DOCK1: variants seen among roughly 807,000 people sequenced by gnomAD.
DOCK1 encodes dedicator of cytokinesis protein 1.
In DOCK1, 138 loss-of-function variants were observed where a neutral mutation model predicts 262.7. The ratio of observed to expected loss-of-function variants is 0.53; its 90% confidence interval spans 0.46 to 0.61. DOCK1 has a LOEUF of 0.61. Ranked by LOEUF, DOCK1 falls within the 20% of genes least tolerant of loss-of-function variation. The probability of loss-of-function intolerance (pLI) is 0.00; values close to 1 mark genes in which losing one functional copy is unlikely to be tolerated. For missense variants in DOCK1, 1,908 were observed against 2,370.7 expected (o/e 0.80, Z 4.05); for synonymous variants, 866 against 867.4 (o/e 1.00, Z 0.03).
At chr10:127,400,202 A>G (rs1033339951) in intron 38 of DOCK1, among the ~76,000 whole-genome samples, 2 of 149,942 alleles carry the variant, frequency 1.3e-5, no homozygotes, top group South Asian at 4.2e-4. Context: ...AAAAAAGCAG[A>G]TGGTTTCTTT....
chr10:126,964,600 A>C (rs2037520844), intron 1 of DOCK1, among the ~76,000 whole-genome samples: 1 of 152,250 alleles, frequency 6.6e-6, no homozygotes, highest in African/African-American at 2.4e-5. Flanking sequence ...ATTTTCACAA[A>C]TTGACTTTAA....
At chr10:126,912,081 G>A (rs1219474924) in intron 1 of DOCK1, among the ~76,000 whole-genome samples, 4 of 152,136 alleles carry the variant, frequency 2.6e-5, no homozygotes, top group African/African-American at 9.7e-5. Flanking sequence ...TCTTCACCCT[G>A]TCTTCATAGG....
chr10:127,373,779 A>T lies in DOCK1; in HGVS notation c.3433-2A>T. The T allele has an allele frequency of 6.2e-7, 1 of 1,606,786 alleles. No individual in the cohort carries two copies. On this transcript the variant is annotated splice_acceptor_variant, in intron 33 of 51. Coordinates refer to ENST00000623213, the MANE Select transcript of DOCK1 (RefSeq NM_001290223.2). LOFTEE classifies it high-confidence loss of function. ...ATTTACGCTTCCTCTGTTTAATTAT[A>T]GTTTGAAAATGAGATCATCACCAAG...
chr10:126,931,779 G>C lies in DOCK1; in HGVS notation c.46+26216G>C, dbSNP rs936262260. 5.9e-3 allele frequency among the ~76,000 whole-genome samples: 896 copies of C among 152,196 alleles called. 8 individuals carry two copies. The highest frequency in any genetic ancestry group is 0.02 in the African/African-American group (827 of 41,520). The stretch of plus-strand genomic sequence containing the variant: ...AGGAACCAATGTGTCTTCATCTATC[G>C]ACTGAGGATATGCGTGGCCCCTGCT... On this transcript the variant is annotated intron_variant, in intron 1 of 51. Transcript: ENST00000623213.
At chr10:127,057,062 C>T (rs2045208515) in intron 22 of DOCK1, among the ~76,000 whole-genome samples, 1 of 151,426 alleles carries the variant, frequency 6.6e-6, no homozygotes. Context: ...AAATCGTTTT[C>T]CTAGCTTGTA....
chr10:127,031,409 T>C (rs558995199), intron 16 of DOCK1, among the ~76,000 whole-genome samples: 40 of 152,202 alleles, frequency 2.6e-4, no homozygotes, highest in Non-Finnish European at 5.6e-4. Flanking sequence ...TTCTATGAGA[T>C]TTTGATTAGA....
intron 46 of DOCK1, among the ~76,000 whole-genome samples, chr10:127,424,032 CCACTCAACTA>C (rs1386112613): frequency 6.6e-6 from 1 of 152,144 alleles, no homozygotes; most frequent in African/African-American, 2.4e-5. Context: ...AGAGTGGAAC[CCACTCAACTA>C]CAGGGTCTCC....
At chr10:127,426,600 C>G (rs1324540918) in intron 47 of DOCK1, among the ~76,000 whole-genome samples, 2 of 152,130 alleles carry the variant, frequency 1.3e-5, no homozygotes, top group South Asian at 2.1e-4. Context: ...AAGACACTGC[C>G]TGGGGAAAGG....
intron 27 of DOCK1, among the ~76,000 whole-genome samples, chr10:127,201,798 C>G (rs529179947): frequency 2.6e-5 from 4 of 152,074 alleles, no homozygotes; most frequent in Admixed American, 6.5e-5. Context: ...AAACAGAAAC[C>G]CTTTATTTTG....
intron 25 of DOCK1, among the ~76,000 whole-genome samples, chr10:127,110,638 G>T (rs957761): frequency 5.9e-5 from 9 of 152,092 alleles, no homozygotes. Flanking sequence ...AAGATATGTG[G>T]TTGTCTGTCC....
chr10:127,079,516 A>G (rs906101814), intron 23 of DOCK1, among the ~76,000 whole-genome samples: 1 of 150,126 alleles, frequency 6.7e-6, no homozygotes, highest in Non-Finnish European at 1.5e-5. Context: ...TTAAGTGTGC[A>G]TAGAGACAGA....
At chr10:127,000,988 T>G (rs1473653229) in intron 10 of DOCK1, 3 of 153,362 alleles carry the variant, frequency 2.0e-5, no homozygotes, top group African/African-American at 7.2e-5. Context: ...AAAGACCAAT[T>G]ATCTCTGTTG....
chr10:127,326,593 G>T (rs1180748522), intron 29 of DOCK1, among the ~76,000 whole-genome samples: 2 of 152,132 alleles, frequency 1.3e-5, no homozygotes, highest in African/African-American at 4.8e-5. Flanking sequence ...TCTTGAACCG[G>T]TCAAAGTCAA....
intron 27 of DOCK1, among the ~76,000 whole-genome samples, chr10:127,161,174 G>T (rs1589704307): frequency 6.6e-6 from 1 of 152,208 alleles, no homozygotes; most frequent in South Asian, 2.1e-4. Flanking sequence ...GCTGTTTACA[G>T]CTAAAGTGGA....
intron 24 of DOCK1, among the ~76,000 whole-genome samples, chr10:127,107,039 CT>C (rs1248558785): frequency 6.6e-6 from 1 of 152,082 alleles, no homozygotes; most frequent in African/African-American, 2.4e-5. Flanking sequence ...CTCACTGCAG[CT>C]TCAAACTCCT....
At chr10:126,917,931 G>A (rs1019844751) in intron 1 of DOCK1, among the ~76,000 whole-genome samples, 16 of 152,308 alleles carry the variant, frequency 1.1e-4, no homozygotes, top group African/African-American at 3.8e-4. Flanking sequence ...GCAGATTCTG[G>A]GGTGATGGAA....
At chr10:127,339,594 AGT>A (rs1200645814) in intron 30 of DOCK1, among the ~76,000 whole-genome samples, 9 of 148,578 alleles carry the variant, frequency 6.1e-5, no homozygotes, top group Non-Finnish European at 1.2e-4. Context: ...TGGTGAATGC[AGT>A]GTGTGAGAGA....
intron 23 of DOCK1, among the ~76,000 whole-genome samples, chr10:127,077,668 G>A (rs2046650930): frequency 6.6e-6 from 1 of 152,140 alleles, no homozygotes; most frequent in Admixed American, 6.5e-5. Context: ...GAAGATGTTG[G>A]ATTCTGACTG....
intron 27 of DOCK1, among the ~76,000 whole-genome samples, chr10:127,227,562 G>A (rs1253352390): frequency 2.0e-5 from 3 of 152,208 alleles, no homozygotes; most frequent in Non-Finnish European, 4.4e-5. Context: ...GATGGGCTGA[G>A]CACTCTACAC....
Sources: gnomAD v4.1 joint callset for allele counts (sites outside exome capture counted in the v4.1 genomes callset) on GRCh38, gnomAD v4.1.1 for gene constraint, MANE v1.5 for transcripts, NCBI Gene and HGNC (gene_info 2026-07-23, HGNC 2026-07-21) for gene names.